PCDH7: variants seen among roughly 807,000 people sequenced by gnomAD.
PCDH7 encodes protocadherin 7.
In PCDH7, 17 loss-of-function variants were observed where a neutral mutation model predicts 58.9. The ratio of observed to expected loss-of-function variants is 0.29; its 90% CI spans 0.20 to 0.43. PCDH7 has a LOEUF of 0.43. Among genes scored for constraint, PCDH7 ranks in the 20% least tolerant of loss-of-function variants. The probability of loss-of-function intolerance (pLI) is 1.00; values close to 1 mark genes in which losing one functional copy is unlikely to be tolerated. For synonymous variants in PCDH7, 664 were observed against 616.4 expected, an observed-to-expected ratio of 1.08 and a Z score of -1.14; for missense variants, 1,274 against 1,441.0, an observed-to-expected ratio of 0.88 and a Z score of 1.88.
At chr4:30,792,600 A>C (rs753082256) in intron 1 of PCDH7, among the ~76,000 whole-genome samples, 6 of 152,042 alleles carry the variant, frequency 3.9e-5, no homozygotes, top group Non-Finnish European at 7.4e-5. Context: ...GTTCGATGTT[A>C]GGGGAAAAAT....
intron 3 of PCDH7, among the ~76,000 whole-genome samples, chr4:30,981,765 G>C (rs1274585816): frequency 3.3e-5 from 5 of 152,162 alleles, no homozygotes; most frequent in Non-Finnish European, 1.5e-5. Flanking sequence ...GATCTGATAT[G>C]AAAATGCTTT....
chr4:31,136,774 G>A lies in PCDH7; in HGVS notation c.*8-5699G>A, dbSNP rs1314052425. Among the ~76,000 whole-genome samples the A allele has an allele frequency of 4.6e-5, 7 of 152,122 alleles. No individual in the cohort carries two copies. In the East Asian group the frequency reaches 9.7e-4, roughly 21 times the overall value. On this transcript the variant is annotated intron_variant, in intron 3 of 3. Transcript: ENST00000509759. ...AATTCCCCAAACCGGCAAAAGGCAG[G>A]GATATTTTAGTTATTTACGTGAAAA...
chr4:31,110,212 T>C (rs891378352), intron 3 of PCDH7, among the ~76,000 whole-genome samples: 1 of 152,212 alleles, frequency 6.6e-6, no homozygotes, highest in Non-Finnish European at 1.5e-5. Flanking sequence ...AGGCCATGTG[T>C]CTTATTAGTG....
chr4:30,831,302 C>T (rs768982074), intron 1 of PCDH7, among the ~76,000 whole-genome samples: 3 of 152,086 alleles, frequency 2.0e-5, no homozygotes, highest in African/African-American at 4.8e-5. Flanking sequence ...CGTCTTGAGA[C>T]CCACTCCAGA....
At chr4:30,960,231 T>C (rs1198502639) in intron 3 of PCDH7, among the ~76,000 whole-genome samples, 1 of 151,682 alleles carries the variant, frequency 6.6e-6, no homozygotes, top group Admixed American at 6.6e-5. Context: ...AATTTGGAGA[T>C]GCTACATCCA....
At chr4:30,794,362 G>A (rs868741924) in intron 1 of PCDH7, among the ~76,000 whole-genome samples, 1 of 152,292 alleles carries the variant, frequency 6.6e-6, no homozygotes. Flanking sequence ...TTGGCCTCCT[G>A]TTTTAGGACT....
intron 1 of PCDH7, among the ~76,000 whole-genome samples, chr4:30,839,474 G>T (rs1730936975): frequency 6.6e-6 from 1 of 152,152 alleles, no homozygotes; most frequent in African/African-American, 2.4e-5. Context: ...TTCGTATTAT[G>T]CAAGTTGAAT....
exon 3 of PCDH7, chr4:30,950,193 A>T (rs1206761682): frequency 6.6e-6 from 1 of 152,494 alleles, no homozygotes. Context: ...GAGTGCTGTT[A>T]AGGCCTCTCC....
In PCDH7 at chr4:30,723,957, T is replaced by C. The variant is rs1007806148; in HGVS notation, c.2535T>C (p.Asn845=). The C allele has an allele frequency of 1.2e-6, 2 of 1,614,202 alleles. No homozygotes were observed. Among genetic ancestry groups the C allele is most frequent in the Admixed American group, 1.7e-5 (1 of 60,024 alleles). Reference sequence around the variant, plus strand: ...TGTTTGTCAATGAAAGTGTTTCTAATGCAACTGCGATTGACTCCCAGATAG... The same window carrying C: ...TGTTTGTCAATGAAAGTGTTTCTAACGCAACTGCGATTGACTCCCAGATAG... Residue 845 remains asparagine (N), a synonymous_variant, in exon 1 of 2, where the codon AAT becomes AAC. Transcript: ENST00000361762. The surrounding 1 kb of genome is among the most constrained non-coding windows in gnomAD (Gnocchi z 4.6).
At chr4:30,949,457 T>C (rs67044628) in intron 2 of PCDH7, among the ~76,000 whole-genome samples, 28,696 of 152,056 alleles carry the variant, frequency 0.19, 3,410 homozygotes, top group South Asian at 0.26. Context: ...TTAATTTATT[T>C]TTATAAAATT....
At chr4:30,966,966 C>T (rs768004961) in intron 3 of PCDH7, among the ~76,000 whole-genome samples, 1 of 152,016 alleles carries the variant, frequency 6.6e-6, no homozygotes, top group Non-Finnish European at 1.5e-5. Context: ...GCCTCAGTTT[C>T]CTTATTGCAA....
chr4:30,929,543 A>T (rs1356254213), intron 2 of PCDH7, among the ~76,000 whole-genome samples: 1 of 152,190 alleles, frequency 6.6e-6, no homozygotes, highest in Non-Finnish European at 1.5e-5. Context: ...CAGAGTTTCA[A>T]CTACTAACAT....
At chr4:30,796,872 G>T (rs1042757904) in intron 1 of PCDH7, among the ~76,000 whole-genome samples, 8 of 151,956 alleles carry the variant, frequency 5.3e-5, no homozygotes, top group South Asian at 2.1e-4. Flanking sequence ...TATCTCTTCT[G>T]CAATTCTCTT....
intron 3 of PCDH7, among the ~76,000 whole-genome samples, chr4:31,078,675 A>T (rs918606115): frequency 3.0e-5 from 4 of 132,068 alleles, no homozygotes; most frequent in Non-Finnish European, 4.7e-5. Flanking sequence ...GCAATCAAAC[A>T]TCCTAAATGT....
intron 1 of PCDH7, among the ~76,000 whole-genome samples, chr4:30,764,447 T>C (rs770157276): frequency 6.1e-5 from 9 of 147,156 alleles, no homozygotes; most frequent in Non-Finnish European, 1.3e-4. Context: ...TTATAAACTG[T>C]TTATCATTTA....
At chr4:31,036,977 A>C (rs984865634) in intron 3 of PCDH7, among the ~76,000 whole-genome samples, 1 of 152,116 alleles carries the variant, frequency 6.6e-6, no homozygotes, top group African/African-American at 2.4e-5. Flanking sequence ...TCACAAGAAT[A>C]GTGTGGGAAA....
At chr4:30,733,190 C>A (rs1415569496), downstream of PCDH7, among the ~76,000 whole-genome samples, 1 of 152,154 alleles carries the variant, frequency 6.6e-6, no homozygotes, top group East Asian at 1.9e-4. Flanking sequence ...CCACATATTA[C>A]CCTGTATAGT....
chr4:31,008,267 G>A (rs1752932771), intron 3 of PCDH7, among the ~76,000 whole-genome samples: 1 of 151,906 alleles, frequency 6.6e-6, no homozygotes, highest in South Asian at 2.1e-4. Context: ...TTGCAATTTT[G>A]GTCAGTTTAT....
chr4:31,105,946 G>A (rs561167825), intron 3 of PCDH7, among the ~76,000 whole-genome samples: 1 of 151,652 alleles, frequency 6.6e-6, no homozygotes, highest in Admixed American at 6.6e-5. Flanking sequence ...GGCAGAGCTT[G>A]CAGTGAGCCG....
Sources: allele counts gnomAD v4.1 joint callset (sites outside exome capture counted in the v4.1 genomes callset), GRCh38; gene constraint gnomAD v4.1.1; non-coding constraint Gnocchi (gnomAD v3.1); transcripts MANE v1.5; gene names NCBI Gene and HGNC (gene_info 2026-07-23, HGNC 2026-07-21).